The following SPPL3 variants were observed in gnomAD, a reference collection of about 807,000 sequenced individuals.
SPPL3 encodes the protein signal peptide peptidase like 3, also known as signal peptide peptidase-like 3.
In SPPL3, 5 loss-of-function variants were observed where a neutral mutation model predicts 42.4. The observed-to-expected ratio is 0.12, with a 90% confidence interval of 0.06 to 0.25. The LOEUF (loss-of-function observed/expected upper bound fraction) is 0.25, where lower values mean the gene tolerates loss of function less well. Ranked by LOEUF, SPPL3 falls within the 10% of genes least tolerant of loss-of-function variation. SPPL3 has a pLI of 1.00. For synonymous variants in SPPL3, 195 were observed against 181.8 expected, an observed-to-expected ratio of 1.07 and a Z score of -0.58; for missense variants, 235 against 489.0, an observed-to-expected ratio of 0.48 and a Z score of 4.90.
chr12:120,821,252 G>C (rs1023433052), intron 1 of SPPL3, among the ~76,000 whole-genome samples: 1 of 152,222 alleles, frequency 6.6e-6, no homozygotes, highest in African/African-American at 2.4e-5. Context: ...AGGCTTCGAT[G>C]GCAATATGCT....
At chr12:120,833,791 G>C (rs901536513) in intron 1 of SPPL3, among the ~76,000 whole-genome samples, 3 of 151,440 alleles carry the variant, frequency 2.0e-5, no homozygotes. Context: ...GTGTGTGTGT[G>C]TGTGTGTGTG....
chr12:120,774,060 A>ACT lies in SPPL3; in HGVS notation c.503-5003_503-5002dup, dbSNP rs926793797. ...TGCGTCTAAACTAAACATGGAACAGACTGCTCAGTGACTGGGTTTTCCATG... is the reference window on the plus strand; with the variant it reads ...TGCGTCTAAACTAAACATGGAACAGACTCTGCTCAGTGACTGGGTTTTCCATG... On this transcript the variant is annotated intron_variant, in intron 6 of 10. Transcript: ENST00000353487. 4.6e-5 allele frequency among the ~76,000 whole-genome samples: 7 copies of ACT among 152,226 alleles called. No individual in the cohort carries two copies. In the East Asian group the frequency reaches 7.7e-4, roughly 17 times the overall value.
chr12:120,823,642 G>T (rs1196313074), intron 1 of SPPL3, among the ~76,000 whole-genome samples: 2 of 152,190 alleles, frequency 1.3e-5, no homozygotes, highest in Non-Finnish European at 1.5e-5. Context: ...TCATCTCTGG[G>T]TGATACTGTC....
chr12:120,871,130 C>CAAAA lies in SPPL3; in HGVS notation c.23+32711_23+32714dup, dbSNP rs71453512. 1.0e-3 allele frequency among the ~76,000 whole-genome samples: 52 copies of CAAAA among 51,682 alleles called. 1 individual carries two copies. Among genetic ancestry groups the CAAAA allele is most frequent in the East Asian group, 2.0e-3 (2 of 998 alleles). The allele number at this position is 51,682 out of a possible 152,430, so 33.9% of individuals were successfully genotyped here. On this transcript the variant is annotated intron_variant, in intron 1 of 10. Transcript: ENST00000353487. Reference sequence around the variant, plus strand: ...GGGCGACAGAGTGAGACTCCGTCTCCAAAAAAAAAAAAAAAAAAAGAAAAA... The same window carrying CAAAA: ...GGGCGACAGAGTGAGACTCCGTCTCCAAAAAAAAAAAAAAAAAAAAAAAGAAAAA...
At chr12:120,860,657 T>C (rs1055869469) in intron 1 of SPPL3, among the ~76,000 whole-genome samples, 5 of 152,228 alleles carry the variant, frequency 3.3e-5, no homozygotes, top group African/African-American at 9.7e-5. Flanking sequence ...TTTGTGTATA[T>C]TGTATTTTAT....
intron 1 of SPPL3, among the ~76,000 whole-genome samples, chr12:120,901,590 T>TA (rs754148484): frequency 0.76 from 78,288 of 103,298 alleles, 30,581 homozygotes; most frequent in Non-Finnish European, 0.85. Context: ...GACTCCGTCC[T>TA]AAAAAAAAAA....
intron 1 of SPPL3, among the ~76,000 whole-genome samples, chr12:120,895,824 A>C (rs890028819): frequency 6.6e-6 from 1 of 152,246 alleles, no homozygotes. Context: ...AGACATGGCT[A>C]GGTCACAGTC....
chr12:120,853,910 A>C, intron 1 of SPPL3, among the ~76,000 whole-genome samples: 1 of 151,838 alleles, frequency 6.6e-6, no homozygotes, highest in Non-Finnish European at 1.5e-5. Flanking sequence ...TTGGAATAGC[A>C]AAAAACAACA....
chr12:120,846,039 G>A (rs1172615454), intron 1 of SPPL3, among the ~76,000 whole-genome samples: 37 of 152,138 alleles, frequency 2.4e-4, no homozygotes, highest in Admixed American at 2.4e-3. Flanking sequence ...TGGGACCACA[G>A]GTGCATGCCA....
At chr12:120,862,440 A>T (rs140370770) in intron 1 of SPPL3, among the ~76,000 whole-genome samples, 94 of 152,338 alleles carry the variant, frequency 6.2e-4, no homozygotes, top group African/African-American at 1.9e-3. Context: ...GGTCACCCGT[A>T]CTTCTGACTC....
At chr12:120,784,292 G>C in intron 4 of SPPL3, 182 bp downstream of exon 4, 1 of 515,432 alleles carries the variant, frequency 1.9e-6, no homozygotes, top group Non-Finnish European at 3.4e-6. Context: ...AGATGACGTG[G>C]ATCAAGAGGT....
At chr12:120,872,124 T>C (rs936292703) in intron 1 of SPPL3, among the ~76,000 whole-genome samples, 7 of 152,246 alleles carry the variant, frequency 4.6e-5, no homozygotes, top group African/African-American at 1.4e-4. Context: ...GAATGTGTGT[T>C]GTTTTATCAT....
intron 1 of SPPL3, among the ~76,000 whole-genome samples, chr12:120,826,226 G>A (rs952015674): frequency 4.7e-5 from 7 of 148,294 alleles, no homozygotes; most frequent in Non-Finnish European, 8.9e-5. Context: ...CTGGGAGGCA[G>A]AGGTGGCGGT....
chr12:120,797,384 T>C (rs1408169972), intron 2 of SPPL3, among the ~76,000 whole-genome samples: 2 of 152,298 alleles, frequency 1.3e-5, no homozygotes, highest in East Asian at 3.9e-4. Context: ...TATCTTAAGA[T>C]AGTTTGACGG....
At chr12:120,854,198 G>GT (rs1458608348) in intron 1 of SPPL3, among the ~76,000 whole-genome samples, 7 of 152,208 alleles carry the variant, frequency 4.6e-5, no homozygotes, top group Admixed American at 3.9e-4. Context: ...GCAGCCTCCT[G>GT]TGAGGTGGGC....
At chr12:120,812,443 T>C (rs1592975024) in intron 1 of SPPL3, among the ~76,000 whole-genome samples, 1 of 152,158 alleles carries the variant, frequency 6.6e-6, no homozygotes, top group Non-Finnish European at 1.5e-5. Context: ...GAGGAACAGA[T>C]TTTAAGCTAA....
chr12:120,889,263 A>G (rs1873558394), intron 1 of SPPL3, among the ~76,000 whole-genome samples: 2 of 152,350 alleles, frequency 1.3e-5, no homozygotes, highest in South Asian at 2.1e-4. Context: ...CCCTATTGAA[A>G]CAGAAGAGGG....
At chr12:120,797,147 A>T (rs969517938) in intron 2 of SPPL3, among the ~76,000 whole-genome samples, 2 of 152,226 alleles carry the variant, frequency 1.3e-5, no homozygotes, top group Non-Finnish European at 2.9e-5. Context: ...AGCCTGGATG[A>T]CAGAGTGAGA....
chr12:120,822,916 C>T (rs11065280), intron 1 of SPPL3, among the ~76,000 whole-genome samples: 7,776 of 152,068 alleles, frequency 0.051, 293 homozygotes, highest in Non-Finnish European at 0.074. Context: ...GAGGACTCTG[C>T]TAGGTACTAG....
Sources: gnomAD v4.1 joint callset for allele counts (sites outside exome capture counted in the v4.1 genomes callset) on GRCh38, gnomAD v4.1.1 for gene constraint, MANE v1.5 for transcripts, NCBI Gene and HGNC (gene_info 2026-07-23, HGNC 2026-07-21) for gene names.